Variants in CNTN5 observed in about 807,000 individuals in gnomAD.
CNTN5 encodes the protein contactin-5.
Under a neutral mutation model 129.1 loss-of-function variants are expected in CNTN5, and 77 were observed. The observed-to-expected ratio is 0.60, with a 90% CI of 0.50 to 0.72. The LOEUF is 0.72. Among genes scored for constraint, CNTN5 ranks in the 30% least tolerant of loss-of-function variants. The pLI is 0.00. For synonymous variants in CNTN5, 509 were observed against 465.6 expected, an observed-to-expected ratio of 1.09 and a Z score of -1.20; for missense variants, 1,478 against 1,328.8, an observed-to-expected ratio of 1.11 and a Z score of -1.75.
chr11:99,849,819 A>C (rs1468768083), intron 6 of CNTN5, among the ~76,000 whole-genome samples: 1 of 152,098 alleles, frequency 6.6e-6, no homozygotes, highest in South Asian at 2.1e-4. Context: ...TCAGATGATA[A>C]CTCTAATTTA....
At chr11:99,725,573 A>C in intron 3 of CNTN5, among the ~76,000 whole-genome samples, 1 of 152,156 alleles carries the variant, frequency 6.6e-6, no homozygotes, top group East Asian at 1.9e-4. Context: ...TCTTCTCTTA[A>C]TTCCTTGGAA....
chr11:100,072,989 G>GAAAAAAAAAAAAA (rs1943983679), intron 12 of CNTN5, among the ~76,000 whole-genome samples: 2 of 18,008 alleles, frequency 1.1e-4, no homozygotes, highest in Admixed American at 4.2e-4. Flanking sequence ...TTCCCAGGAG[G>GAAAAAAAAAAAAA]CAAAAAAAAA....
At chr11:99,219,441 A>G (rs1274698298) in intron 1 of CNTN5, among the ~76,000 whole-genome samples, 1 of 151,830 alleles carries the variant, frequency 6.6e-6, no homozygotes, top group African/African-American at 2.4e-5. Context: ...TTGCCTATGA[A>G]TCTATCTGGA....
At chr11:99,485,762 A>G (rs1446656792) in intron 2 of CNTN5, among the ~76,000 whole-genome samples, 1 of 152,058 alleles carries the variant, frequency 6.6e-6, no homozygotes, top group Non-Finnish European at 1.5e-5. Context: ...TATAGTTTGG[A>G]CATCTTTACA....
At chr11:99,521,379 T>C (rs925070102) in intron 2 of CNTN5, among the ~76,000 whole-genome samples, 10 of 152,166 alleles carry the variant, frequency 6.6e-5, no homozygotes, top group Non-Finnish European at 1.3e-4. Flanking sequence ...CATGCCTAAA[T>C]CACAAGTTTC....
intron 9 of CNTN5, among the ~76,000 whole-genome samples, chr11:100,055,028 TAAAAAAA>T (rs137939088): frequency 1.1e-5 from 1 of 91,690 alleles, no homozygotes; most frequent in African/African-American, 4.0e-5. Context: ...AGCCGTAGCC[TAAAAAAA>T]AAAAAAAAAA....
At chr11:100,108,050 T>C (rs950091285) in intron 13 of CNTN5, among the ~76,000 whole-genome samples, 1 of 151,302 alleles carries the variant, frequency 6.6e-6, no homozygotes, top group African/African-American at 2.4e-5. Context: ...CGAAGTGCAT[T>C]GGTTTGATGA....
chr11:100,057,062 A>G (rs17622769), intron 9 of CNTN5, among the ~76,000 whole-genome samples: 13,863 of 151,362 alleles, frequency 0.092, 810 homozygotes, highest in East Asian at 0.18. Context: ...CTGTGTATCA[A>G]TACGTATCAT....
chr11:99,463,392 C>G (rs186116949), intron 2 of CNTN5, among the ~76,000 whole-genome samples: 3,099 of 144,720 alleles, frequency 0.021, 154 homozygotes, highest in East Asian at 0.13. Flanking sequence ...GAGCCGAGAT[C>G]GCGCCACTGC....
chr11:99,661,715 T>TA (rs1766901376), intron 3 of CNTN5, among the ~76,000 whole-genome samples: 1 of 152,010 alleles, frequency 6.6e-6, no homozygotes, highest in African/African-American at 2.4e-5. Flanking sequence ...ATAGTAACTT[T>TA]AAAAAATCTA....
rs185843472 is a variant in CNTN5 at position 99,793,929 on chromosome 11, C to T, written c.56-25615C>T. 2.6e-5 allele frequency among the ~76,000 whole-genome samples: 4 copies of T among 152,222 alleles called. No individual in the cohort carries two copies. The East Asian group carries it at 7.7e-4, about 29-fold the overall frequency. ...AGAGTTCTGTAGATGCCTATTAGTT[C>T]CATTAACTCAAGTGTTGAGTTCAGC... On this transcript the variant is annotated intron_variant, in intron 3 of 24. Coordinates refer to ENST00000524871, the MANE Select transcript of CNTN5 (RefSeq NM_014361.4).
intron 18 of CNTN5, among the ~76,000 whole-genome samples, chr11:100,282,839 C>G (rs1238781318): frequency 6.6e-6 from 1 of 152,232 alleles, no homozygotes. Context: ...TTTCCAAAGG[C>G]AGAGGAGCCT....
chr11:99,234,376 T>C (rs1861161555), intron 1 of CNTN5, among the ~76,000 whole-genome samples: 1 of 152,186 alleles, frequency 6.6e-6, no homozygotes, highest in African/African-American at 2.4e-5. Flanking sequence ...GGATTCTGTC[T>C]TCCTCAACGC....
At chr11:99,315,845 A>G (rs1865317075) in intron 1 of CNTN5, among the ~76,000 whole-genome samples, 1 of 149,040 alleles carries the variant, frequency 6.7e-6, no homozygotes, top group African/African-American at 2.4e-5. Context: ...ATTTCTTTTA[A>G]TTAGAAAGCC....
chr11:99,481,169 C>G (rs1334009164), intron 2 of CNTN5, among the ~76,000 whole-genome samples: 1 of 151,938 alleles, frequency 6.6e-6, no homozygotes, highest in Admixed American at 6.6e-5. Flanking sequence ...AAGGTTCTTG[C>G]CACTGGGTCT....
chr11:100,208,128 A>G (rs540338954), intron 15 of CNTN5, among the ~76,000 whole-genome samples: 2 of 152,338 alleles, frequency 1.3e-5, no homozygotes, highest in East Asian at 3.9e-4. Flanking sequence ...TAACTATAGG[A>G]AAGGAAATAA....
chr11:100,089,244 G>A (rs1944664364), intron 13 of CNTN5, among the ~76,000 whole-genome samples: 1 of 151,922 alleles, frequency 6.6e-6, no homozygotes, highest in South Asian at 2.1e-4. Context: ...ACCTTTATCA[G>A]ATAGGCAGAT....
intron 8 of CNTN5, among the ~76,000 whole-genome samples, chr11:99,983,374 G>A (rs1023964917): frequency 1.3e-5 from 2 of 148,786 alleles, no homozygotes; most frequent in Admixed American, 6.7e-5. Flanking sequence ...GATTTGTGAG[G>A]AGAGGTATCA....
rs1006617911 is a variant in CNTN5 at position 99,043,330 on chromosome 11, T to G, written c.-210+22060T>G. ...CCCCAGAGTGTGATATTCCCCTTCC[T>G]GTGTCCATGTGAGTTAGTGGGTGCA... On this transcript the variant is annotated intron_variant, in intron 1 of 24. Coordinates refer to ENST00000524871, the MANE Select transcript of CNTN5 (RefSeq NM_014361.4). Among the ~76,000 whole-genome samples the G allele has an allele frequency of 2.4e-5, 3 of 124,142 alleles. No homozygotes were observed. In the Admixed American group the frequency reaches 3.0e-4, roughly 13 times the overall value. 81.4% of individuals were successfully genotyped at this position (124,142 alleles called of 152,430 possible).
Sources: allele counts gnomAD v4.1 joint callset (sites outside exome capture counted in the v4.1 genomes callset), GRCh38; gene constraint gnomAD v4.1.1; transcripts MANE v1.5; gene names NCBI Gene and HGNC (gene_info 2026-07-23, HGNC 2026-07-21).